TCF4: variants seen among roughly 807,000 people sequenced by gnomAD.
TCF4 encodes the protein transcription factor 4.
TCF4 carries 3 observed loss-of-function variants against 82.1 expected under a neutral mutation model. That is an observed-to-expected ratio of 0.04 (90% confidence interval 0.02 to 0.09). The LOEUF is 0.09. TCF4 is among the 10% of genes least tolerant of loss of function. The pLI, the probability that TCF4 is intolerant of heterozygous loss-of-function variation, is 1.00. For synonymous variants in TCF4, 276 were observed against 309.6 expected (o/e 0.89, Z 1.14); for missense variants, 518 against 852.7 (o/e 0.61, Z 4.89).
intron 15 of TCF4, among the ~76,000 whole-genome samples, chr18:55,251,123 T>C (rs991207684): frequency 2.0e-5 from 3 of 152,120 alleles, no homozygotes; most frequent in Non-Finnish European, 4.4e-5. Flanking sequence ...TTGTTGCAGA[T>C]TGGAAGAGCT....
At chr18:55,527,322 G>GT (rs2096997116) in intron 3 of TCF4, among the ~76,000 whole-genome samples, 1 of 152,218 alleles carries the variant, frequency 6.6e-6, no homozygotes, top group Non-Finnish European at 1.5e-5. Flanking sequence ...GGGAGGGACT[G>GT]TAACAGCTAT....
chr18:55,239,277 G>T (rs571366974), intron 15 of TCF4, among the ~76,000 whole-genome samples: 3 of 152,286 alleles, frequency 2.0e-5, no homozygotes, highest in Admixed American at 2.0e-4. Flanking sequence ...CGAGGGCTTG[G>T]AGGACCTTGG....
intron 8 of TCF4, among the ~76,000 whole-genome samples, chr18:55,298,697 G>C (rs1007005202): frequency 6.6e-6 from 1 of 152,172 alleles, no homozygotes; most frequent in Non-Finnish European, 1.5e-5. Flanking sequence ...CATGTGACTA[G>C]AGCAAATCAC....
rs901776981 is a variant in TCF4 at position 55,396,278 on chromosome 18, C to G, written c.369+7176G>C. ...AATGATTTGAGGTCTACTTGCTTTA[C>G]TTCTCTGAGCATCCCTTTCTTAATT... On this transcript the variant is annotated intron_variant, in intron 6 of 19. Transcript: ENST00000354452. Among the ~76,000 whole-genome samples, 5 of 152,214 alleles carry G rather than the reference C, an allele frequency of 3.3e-5. No individual in the cohort carries two copies. In the South Asian group the frequency reaches 1.0e-3, roughly 32 times the overall value.
At chr18:55,478,238 G>A (rs933780728) in intron 3 of TCF4, among the ~76,000 whole-genome samples, 8 of 152,192 alleles carry the variant, frequency 5.3e-5, no homozygotes, top group African/African-American at 1.7e-4. Context: ...AAGATTTGTT[G>A]TAGGAAAAAG....
At chr18:55,529,086 G>A (rs895204846) in intron 3 of TCF4, among the ~76,000 whole-genome samples, 1 of 152,186 alleles carries the variant, frequency 6.6e-6, no homozygotes, top group Non-Finnish European at 1.5e-5. Flanking sequence ...GTCGAAGCAG[G>A]AGAATTACTA....
chr18:55,287,767 C>T (rs1289333104), intron 8 of TCF4, among the ~76,000 whole-genome samples: 1 of 152,164 alleles, frequency 6.6e-6, no homozygotes, highest in Non-Finnish European at 1.5e-5. Flanking sequence ...TTACAAAAAC[C>T]CTGGCGTTCT....
At chr18:55,345,573 G>T (rs996199958) in intron 8 of TCF4, among the ~76,000 whole-genome samples, 6 of 152,026 alleles carry the variant, frequency 3.9e-5, no homozygotes, top group Non-Finnish European at 8.8e-5. Context: ...TAGAAAATGG[G>T]CACACTAAGT....
intron 3 of TCF4, among the ~76,000 whole-genome samples, chr18:55,479,591 C>T (rs540871100): frequency 1.3e-5 from 2 of 152,246 alleles, no homozygotes; most frequent in Non-Finnish European, 2.9e-5. Flanking sequence ...CTTAAAATTT[C>T]CCATGTAATC....
intron 2 of TCF4, among the ~76,000 whole-genome samples, chr18:55,598,198 C>T (rs1205924537): frequency 1.3e-5 from 2 of 152,118 alleles, no homozygotes; most frequent in South Asian, 4.1e-4. Context: ...AGAGTTGAAT[C>T]TGGAAAGAAA....
intron 4 of TCF4, among the ~76,000 whole-genome samples, 188 bp from the exon 5 acceptor site, chr18:55,461,303 C>T (rs1603483764): frequency 6.6e-6 from 1 of 152,198 alleles, no homozygotes; most frequent in African/African-American, 2.4e-5. Flanking sequence ...CTAGAGTCTA[C>T]GAAGTCCAAA....
intron 3 of TCF4, among the ~76,000 whole-genome samples, chr18:55,574,155 C>T (rs2097504649): frequency 6.6e-6 from 1 of 152,076 alleles, no homozygotes; most frequent in Non-Finnish European, 1.5e-5. Flanking sequence ...CTTCAAGGGC[C>T]AATTTCCATA....
At chr18:55,628,717 C>T (rs1346072588) in intron 2 of TCF4, among the ~76,000 whole-genome samples, 1 of 152,108 alleles carries the variant, frequency 6.6e-6, no homozygotes, top group East Asian at 1.9e-4. Flanking sequence ...AACTTCACAC[C>T]CTTGAAGGAA....
rs2097656317 is a variant in TCF4, at chr18:55,587,029, C to A, written c.72+16G>T. ...TTTTTTCACAGCTGTTGTTAGTTTC[C>A]ACCGTTCTTTCTTACCGCACTGAAA... On this transcript the variant is annotated intron_variant, in intron 2 of 19. Transcript: ENST00000354452. 6.2e-7 allele frequency: 1 copy of A among 1,611,394 alleles called. No homozygotes were observed. The highest frequency in any genetic ancestry group is 8.5e-7 in the Non-Finnish European group (1 of 1,178,124).
chr18:55,602,012 T>G (rs1281917600), intron 2 of TCF4, among the ~76,000 whole-genome samples: 3 of 152,222 alleles, frequency 2.0e-5, no homozygotes, highest in African/African-American at 7.2e-5. Flanking sequence ...TTTTCTCACT[T>G]AACGGGATGT....
At chr18:55,339,244 T>C (rs2079291826) in intron 8 of TCF4, among the ~76,000 whole-genome samples, 1 of 152,132 alleles carries the variant, frequency 6.6e-6, no homozygotes, top group Admixed American at 6.5e-5. Flanking sequence ...AAAAGTGAAA[T>C]GTGTGTTTCC....
chr18:55,538,991 A>C (rs373939809), intron 3 of TCF4, among the ~76,000 whole-genome samples: 2 of 152,050 alleles, frequency 1.3e-5, no homozygotes, highest in South Asian at 4.1e-4. Context: ...ATGATGGTTC[A>C]AATAATACAC....
At chr18:55,490,226 T>C (rs2096561884) in intron 3 of TCF4, among the ~76,000 whole-genome samples, 1 of 152,216 alleles carries the variant, frequency 6.6e-6, no homozygotes, top group Admixed American at 6.5e-5. Flanking sequence ...GCGGTTATTT[T>C]GCCTCTCTTT....
chr18:55,405,764 G>C (rs2094054315), intron 5 of TCF4, among the ~76,000 whole-genome samples: 2 of 152,154 alleles, frequency 1.3e-5, no homozygotes, highest in African/African-American at 4.8e-5. Context: ...AAAAGAAAGA[G>C]GCAGGAGGGA....
Sources: allele counts gnomAD v4.1 joint callset (sites outside exome capture counted in the v4.1 genomes callset), GRCh38; gene constraint gnomAD v4.1.1; transcripts MANE v1.5; gene names NCBI Gene and HGNC (gene_info 2026-07-23, HGNC 2026-07-21).